CNNM4: variants seen among roughly 807,000 people sequenced by gnomAD.
CNNM4 encodes the protein metal transporter CNNM4.
A neutral mutation model predicts 53.7 loss-of-function variants in CNNM4; 32 were observed. That is an observed-to-expected ratio of 0.60 (90% CI 0.45 to 0.80). CNNM4 has a LOEUF of 0.80. Ranked by LOEUF, CNNM4 falls within the 30% of genes least tolerant of loss-of-function variation. The pLI is 0.00. For missense variants in CNNM4, 784 were observed against 1,022.0 expected, an observed-to-expected ratio of 0.77 and a Z score of 3.17; for synonymous variants, 410 against 440.0, an observed-to-expected ratio of 0.93 and a Z score of 0.85.
At position 96,797,172 on chromosome 2, in the gene CNNM4, A is replaced by G. The variant is rs1362458127; in HGVS notation, c.1546+17A>G. 1 of 1,613,990 alleles carries G rather than the reference A, an allele frequency of 6.2e-7. No homozygotes were observed. Among genetic ancestry groups the G allele is most frequent in the Non-Finnish European group, 8.5e-7 (1 of 1,179,998 alleles). On this transcript the variant is annotated intron_variant, in intron 2 of 6. Coordinates refer to ENST00000377075, the MANE Select transcript of CNNM4 (RefSeq NM_020184.4). This position sits in a 1 kb window ranked among gnomAD's most constrained non-coding sequence, Gnocchi z 6.0. ...ACATGTACAGTGAGTCCAGCCTTCC[A>G]CAGGGCCCAGGACCCCTTTCCTGCT... is the stretch of plus-strand genomic sequence containing the variant.
At chr2:96,762,435 C>T (rs1172055721) in intron 1 of CNNM4, 34 bp downstream of exon 1, 3 of 1,569,366 alleles carry the variant, frequency 1.9e-6, no homozygotes, top group African/African-American at 2.7e-5. Context: ...GGTTCAATTT[C>T]CTCTTGACGC....
intron 1 of CNNM4, among the ~76,000 whole-genome samples, chr2:96,782,949 T>C (rs1250863945): frequency 6.6e-6 from 1 of 152,122 alleles, no homozygotes. Context: ...CTCACACGTG[T>C]AATCCTACCA....
At chr2:96,799,514 C>G (rs754851984) in intron 4 of CNNM4, 38 bp from the exon 5 acceptor site, 23 of 1,520,626 alleles carry the variant, frequency 1.5e-5, no homozygotes, top group Non-Finnish European at 2.0e-5. Flanking sequence ...TGTTTCCTCC[C>G]TCACTTGGTC....
At chr2:96,793,397 G>C (rs1355661541) in intron 1 of CNNM4, among the ~76,000 whole-genome samples, 1 of 152,242 alleles carries the variant, frequency 6.6e-6, no homozygotes, top group Non-Finnish European at 1.5e-5. Flanking sequence ...TGGCCCCTTA[G>C]GCTGGAACCT....
intron 1 of CNNM4, among the ~76,000 whole-genome samples, chr2:96,765,024 G>GTTTTGTTTTTTTTGTTTT (rs2078801834): frequency 2.4e-5 from 1 of 41,518 alleles, no homozygotes; most frequent in African/African-American, 8.8e-5. Context: ...GTTGGGAATG[G>GTTTTGTTTTTTTTGTTTT]TTTTTTTTTT....
Position 96,761,631 on chromosome 2 carries a change from C to G in CNNM4, c.632C>G (p.Pro211Arg). Residue 211 changes from proline (P) to arginine (R), a missense_variant, in exon 1 of 7, where the codon CCC becomes CGC. By Grantham distance (103) the Pro-to-Arg change is moderately radical (BLOSUM62 -2). Transcript: ENST00000377075. The surrounding 1 kb of genome is among the most constrained non-coding windows in gnomAD (Gnocchi z 6.0). ...AACCTCGGGCTTATGGCCCTGGACC[C>G]CATGGAGCTGCGCATCGTGCAGAAC... The part of the protein sequence containing the change: ...GLNLGLMALD[P>R]MELRIVQNCG... 1 of 1,613,878 alleles carries G rather than the reference C, an allele frequency of 6.2e-7. No individual in the cohort carries two copies. The highest frequency in any genetic ancestry group is 1.1e-5 in the South Asian group (1 of 91,076).
At chr2:96,765,463 T>G (rs1229055804) in intron 1 of CNNM4, among the ~76,000 whole-genome samples, 3 of 152,126 alleles carry the variant, frequency 2.0e-5, no homozygotes, top group Non-Finnish European at 4.4e-5. Context: ...GAGTCAGAGC[T>G]GGGGCAACTG....
intron 1 of CNNM4, among the ~76,000 whole-genome samples, chr2:96,766,195 C>T (rs1044446249): frequency 1.1e-4 from 16 of 151,604 alleles, no homozygotes; most frequent in African/African-American, 3.9e-4. Flanking sequence ...GTGCCTCAGC[C>T]TCCCAAGTAA....
At chr2:96,765,601 T>A (rs2078809616) in intron 1 of CNNM4, among the ~76,000 whole-genome samples, 1 of 152,146 alleles carries the variant, frequency 6.6e-6, no homozygotes, top group Admixed American at 6.6e-5. Context: ...AGGGCCTTTG[T>A]ATTCTTTCTT....
In CNNM4 at chr2:96,771,612, G is replaced by T. The variant is rs547917541; in HGVS notation, c.1402+9211G>T. 4.1e-4 allele frequency among the ~76,000 whole-genome samples: 62 copies of T among 152,038 alleles called. No homozygotes were observed. In the South Asian group the frequency reaches 0.013, roughly 31 times the overall value. ...GCCTGTAATCCCAACTACTTGGGAGGCTGAGGCAGGAGAATTGCTTGAACC... is the reference window on the plus strand; with the variant it reads ...GCCTGTAATCCCAACTACTTGGGAGTCTGAGGCAGGAGAATTGCTTGAACC... On this transcript the variant is annotated intron_variant, in intron 1 of 6. Coordinates refer to ENST00000377075, the MANE Select transcript of CNNM4 (RefSeq NM_020184.4).
chr2:96,781,144 A>G (rs2078972371), intron 1 of CNNM4, among the ~76,000 whole-genome samples: 1 of 151,590 alleles, frequency 6.6e-6, no homozygotes, highest in Non-Finnish European at 1.5e-5. Flanking sequence ...ATGCCCAGCT[A>G]ATTTTTTGTG....
chr2:96,795,907 A>G (rs2079099043), intron 1 of CNNM4, among the ~76,000 whole-genome samples: 2 of 152,070 alleles, frequency 1.3e-5, no homozygotes, highest in African/African-American at 4.8e-5. Flanking sequence ...TGTGGCCTTC[A>G]AAAAGGGGTC....
Position 96,811,027 on chromosome 2 carries a change from G to C in CNNM4, c.*1510G>C, listed in dbSNP as rs2079252520. 6.6e-6 allele frequency: 1 copy of C among 152,210 alleles called. No homozygotes were observed. The highest frequency in any genetic ancestry group is 1.5e-5 in the Non-Finnish European group (1 of 68,068). 9.4% of individuals were successfully genotyped at this position (152,210 alleles called of 1,614,324 possible). A position where few individuals can be genotyped will look rare whatever the true frequency, so the allele number is the denominator to read the frequency against. On this transcript the variant is annotated 3_prime_UTR_variant, in exon 7 of 7. Coordinates refer to ENST00000377075, the MANE Select transcript of CNNM4 (RefSeq NM_020184.4). ...GAGCCTGGCAGGTGAAACTCTGCAG[G>C]CCTTCCGCCTGATTATTATTTATTC... is the stretch of plus-strand genomic sequence containing the variant.
intron 1 of CNNM4, among the ~76,000 whole-genome samples, chr2:96,764,070 C>T (rs1201445536): frequency 6.6e-6 from 1 of 152,076 alleles, no homozygotes; most frequent in Admixed American, 6.5e-5. Flanking sequence ...TTCCTCCTCA[C>T]TGCCTCTGTG....
intron 1 of CNNM4, among the ~76,000 whole-genome samples, chr2:96,785,524 G>A (rs907125252): frequency 6.6e-6 from 1 of 152,014 alleles, no homozygotes; most frequent in African/African-American, 2.4e-5. Context: ...CAGGCTACTT[G>A]GGAGGCTGAG....
rs2079224861 is a variant in CNNM4 at position 96,808,002 on chromosome 2, C to T, written c.1949-559C>T. Among the ~76,000 whole-genome samples the T allele has an allele frequency of 1.3e-5, 2 of 152,018 alleles. No individual in the cohort carries two copies. Among genetic ancestry groups the T allele is most frequent in the African/African-American group, 4.8e-5 (2 of 41,390 alleles). ...CTCCCAGGTTCAAGCGATTCTCCTG[C>T]CTCAGCCTCCCAAGTAGCCGGGATT... On this transcript the variant is annotated intron_variant, in intron 5 of 6. Coordinates refer to ENST00000377075, the MANE Select transcript of CNNM4 (RefSeq NM_020184.4). This position sits in a 1 kb window ranked among gnomAD's most constrained non-coding sequence, Gnocchi z 4.9.
chr2:96,805,407 GCTT>G (rs1486258988), intron 5 of CNNM4, among the ~76,000 whole-genome samples: 1 of 115,052 alleles, frequency 8.7e-6, no homozygotes, highest in Non-Finnish European at 1.8e-5. Flanking sequence ...TTATACCCTG[GCTT>G]CTTTTCAGTT....
At chr2:96,773,485 G>A (rs1253128266) in intron 1 of CNNM4, among the ~76,000 whole-genome samples, 1 of 152,180 alleles carries the variant, frequency 6.6e-6, no homozygotes. Context: ...CTGCTGTTCA[G>A]GGTGGTGTCA....
In CNNM4 at chr2:96,799,083, A is replaced by C. The variant is rs2079133682; in HGVS notation, c.1708A>C (p.Ile570Leu). The change falls in exon 4 of 7, where the codon ATA (isoleucine) becomes CTA (leucine). Residue 570 changes from isoleucine to leucine, a missense_variant. Around this residue, in one of 3 missense-constraint regions of CNNM4, gnomAD observed 307 missense variants for 376.3 expected, o/e 0.82. Transcript: ENST00000377075. ...GGTCTCTCAGTTTAGCCCCTCCCTG[A>C]TATCAGAGAAGATCCTGCTGCGGCT... ...TEVSQFSPSL[I>L]SEKILLRLLK... 2.5e-6 allele frequency: 4 copies of C among 1,614,124 alleles called. No homozygotes were observed. Among genetic ancestry groups the C allele is most frequent in the Non-Finnish European group, 3.4e-6 (4 of 1,180,016 alleles).
Sources: allele counts gnomAD v4.1 joint callset (sites outside exome capture counted in the v4.1 genomes callset), GRCh38; gene constraint gnomAD v4.1.1; regional missense constraint gnomAD v4.1.1; non-coding constraint Gnocchi (gnomAD v3.1); transcripts MANE v1.5; gene names NCBI Gene and HGNC (gene_info 2026-07-23, HGNC 2026-07-21).